ATOSA: variants seen among roughly 807,000 people sequenced by gnomAD.
ATOSA encodes the protein atos homolog A, also known as atos homolog protein A.
the ATOSA span, chr15:52,587,327 A>C: frequency 1.1e-6 from 1 of 901,922 alleles, no homozygotes; most frequent in African/African-American, 1.7e-5. Flanking sequence ...TTCTATTTCT[A>C]TGGAAAAACA....
the ATOSA span, among the ~76,000 whole-genome samples, chr15:52,688,301 T>C: frequency 1.3e-5 from 2 of 152,144 alleles, no homozygotes. Flanking sequence ...GGGAAGAGAA[T>C]GGTGGGGGAT....
the ATOSA span, among the ~76,000 whole-genome samples, chr15:52,631,501 A>G: frequency 1.3e-5 from 2 of 152,214 alleles, no homozygotes; most frequent in African/African-American, 2.4e-5. Flanking sequence ...AACTTACAAT[A>G]TTGTTCAACT....
At chr15:52,593,013 CG>C in the ATOSA span, among the ~76,000 whole-genome samples, 2 of 151,930 alleles carry the variant, frequency 1.3e-5, no homozygotes, top group African/African-American at 4.8e-5. Flanking sequence ...GGCATGGTGG[CG>C]CATATCTGTA....
the ATOSA span, among the ~76,000 whole-genome samples, chr15:52,623,467 G>C: frequency 6.6e-6 from 1 of 151,990 alleles, no homozygotes; most frequent in Non-Finnish European, 1.5e-5. Context: ...GAGTTACCTA[G>C]AGGAATATGT....
the ATOSA span, among the ~76,000 whole-genome samples, chr15:52,652,837 G>C: frequency 6.6e-6 from 1 of 151,936 alleles, no homozygotes; most frequent in African/African-American, 2.4e-5. Context: ...CTTTTTTTCA[G>C]GTTTCAAGTA....
chr15:52,621,616 G>A, the ATOSA span, among the ~76,000 whole-genome samples: 5 of 147,030 alleles, frequency 3.4e-5, no homozygotes, highest in South Asian at 1.0e-3. Flanking sequence ...TTGTGAGAGT[G>A]AGTAAGTCTC....
the ATOSA span, among the ~76,000 whole-genome samples, chr15:52,625,268 A>T: frequency 6.6e-6 from 1 of 152,106 alleles, no homozygotes; most frequent in Non-Finnish European, 1.5e-5. Context: ...CATTTTATAT[A>T]CCATGAAAAG....
At chr15:52,639,805 C>T in the ATOSA span, among the ~76,000 whole-genome samples, 1 of 152,160 alleles carries the variant, frequency 6.6e-6, no homozygotes, top group African/African-American at 2.4e-5. Flanking sequence ...GGCTGGAGTG[C>T]AATGGCACAA....
chr15:52,672,310 C>G, the ATOSA span, among the ~76,000 whole-genome samples: 1 of 151,620 alleles, frequency 6.6e-6, no homozygotes, highest in Non-Finnish European at 1.5e-5. Flanking sequence ...GATTGCATCA[C>G]TGTACTCCAG....
At chr15:52,645,330 T>C in the ATOSA span, among the ~76,000 whole-genome samples, 431 of 152,194 alleles carry the variant, frequency 2.8e-3, 5 homozygotes, top group Middle Eastern at 0.027. Flanking sequence ...TCCCAGCTAC[T>C]TGGGAGGCTG....
chr15:52,605,275 G>T, the ATOSA span: 2 of 1,483,178 alleles, frequency 1.3e-6, no homozygotes, highest in East Asian at 2.3e-5. Context: ...GATGTTAATT[G>T]TAATATTTAA....
the ATOSA span, among the ~76,000 whole-genome samples, chr15:52,684,755 G>A: frequency 6.6e-6 from 1 of 152,204 alleles, no homozygotes; most frequent in East Asian, 1.9e-4. Context: ...GTTCTTTAAA[G>A]AGACAGAGTC....
At chr15:52,642,511 C>T in the ATOSA span, among the ~76,000 whole-genome samples, 1 of 152,164 alleles carries the variant, frequency 6.6e-6, no homozygotes, top group African/African-American at 2.4e-5. Flanking sequence ...TTGTTAGTAT[C>T]AGTTTGGCCA....
chr15:52,704,867 A>C, the ATOSA span, among the ~76,000 whole-genome samples: 1 of 152,184 alleles, frequency 6.6e-6, no homozygotes, highest in Non-Finnish European at 1.5e-5. Context: ...GACCCTGGAG[A>C]GGATGTGGAG....
At chr15:52,598,164 G>GAT in the ATOSA span, among the ~76,000 whole-genome samples, 2 of 151,814 alleles carry the variant, frequency 1.3e-5, no homozygotes. Flanking sequence ...TATATATGTA[G>GAT]ATATATATAG....
the ATOSA span, among the ~76,000 whole-genome samples, chr15:52,645,710 A>C: frequency 6.6e-6 from 1 of 152,222 alleles, no homozygotes; most frequent in Non-Finnish European, 1.5e-5. Context: ...ACAATTCATC[A>C]TAGTCTCAGG....
chr15:52,660,683 C>CT, the ATOSA span, among the ~76,000 whole-genome samples: 1 of 152,074 alleles, frequency 6.6e-6, no homozygotes, highest in Non-Finnish European at 1.5e-5. Flanking sequence ...CAGAGTTTCG[C>CT]TTTTTTTGCC....
chr15:52,677,232 C>T, the ATOSA span, among the ~76,000 whole-genome samples: 1 of 152,104 alleles, frequency 6.6e-6, no homozygotes, highest in Non-Finnish European at 1.5e-5. Context: ...AGTCCAGCCC[C>T]CTACCAAATA....
At chr15:52,689,316 C>T in the ATOSA span, among the ~76,000 whole-genome samples, 3 of 152,118 alleles carry the variant, frequency 2.0e-5, no homozygotes, top group African/African-American at 7.2e-5. Context: ...ATATACATGA[C>T]ATTTTCCTCT....
Sources: gnomAD v4.1 joint callset for allele counts (sites outside exome capture counted in the v4.1 genomes callset) on GRCh38, gnomAD v4.1.1 for gene constraint, MANE v1.5 for transcripts, NCBI Gene and HGNC (gene_info 2026-07-23, HGNC 2026-07-21) for gene names.